VPS13C: variants seen among roughly 807,000 people sequenced by gnomAD.
VPS13C encodes vacuolar protein sorting 13 homolog C, also known as intermembrane lipid transfer protein VPS13C.
Under a neutral mutation model 456.8 loss-of-function variants are expected in VPS13C, and 358 were observed. The ratio of observed to expected loss-of-function variants is 0.78; its 90% confidence interval spans 0.72 to 0.86. The LOEUF (loss-of-function observed/expected upper bound fraction) is 0.86. VPS13C is among the 40% of genes least tolerant of loss of function. VPS13C has a pLI of 0.00. For missense variants in VPS13C, 4,818 were observed against 4,385.4 expected (o/e 1.10, Z -2.79); for synonymous variants, 1,578 against 1,486.7 (o/e 1.06, Z -1.41).
At chr15:62,000,144 C>G (rs1250582805) in intron 16 of VPS13C, among the ~76,000 whole-genome samples, 1 of 152,008 alleles carries the variant, frequency 6.6e-6, no homozygotes, top group Non-Finnish European at 1.5e-5. Context: ...AGTGGATCAC[C>G]TGAGGTCAGG....
In VPS13C at chr15:61,872,009, A is replaced by G. The variant is rs1405313695; in HGVS notation, c.10604T>C (p.Ile3535Thr). ...CATACCTTCCACAGGTTTTGTTATT[A>G]TTCCAGTCACTCCACCAACAACTCC... is the stretch of plus-strand genomic sequence containing the variant. ...LRGVVGGVTG[I>T]ITKPVEGAKK... The change falls in exon 79 of 85, where the codon ATA becomes ACA. Residue 3535 changes from isoleucine (I) to threonine (T), a missense_variant. By Grantham distance (89) the Ile-to-Thr change is moderately conservative. Around this residue, in one of 3 missense-constraint regions of VPS13C, gnomAD observed 4,552 missense variants for 4,130.6 expected, o/e 1.10. Coordinates refer to ENST00000644861, the MANE Select transcript of VPS13C (RefSeq NM_020821.3). The G allele has an allele frequency of 6.2e-7, 1 of 1,612,630 alleles. No homozygotes were observed. Among genetic ancestry groups the G allele is most frequent in the Admixed American group, 1.7e-5 (1 of 59,928 alleles).
Position 61,880,643 on chromosome 15 carries a change from C to G in VPS13C, c.9968G>C (p.Ser3323Thr), listed in dbSNP as rs1383242750. The G allele has an allele frequency of 6.3e-7, 1 of 1,593,340 alleles. No individual in the cohort carries two copies. The highest frequency in any genetic ancestry group is 8.5e-7 in the Non-Finnish European group (1 of 1,171,590). The change falls in exon 73 of 85, where the codon AGT (serine) becomes ACT (threonine). Residue 3323 changes from serine (S) to threonine (T), a missense_variant. Physicochemically the swap from Ser to Thr is moderately conservative, Grantham distance 58. Around this residue, in one of 3 missense-constraint regions of VPS13C, gnomAD observed 4,552 missense variants for 4,130.6 expected, o/e 1.10. Transcript: ENST00000644861. ...ETSMTDMSIL[S>T]FFEHFHISPV... The stretch of plus-strand genomic sequence containing the variant: ...AGAAATATGGAAATGTTCAAAGAAA[C>G]TAAGAATTGACATATCAGTCATTGA...
chr15:61,947,146 G>C, intron 43 of VPS13C, 47 bp downstream of exon 43: 1 of 1,249,636 alleles, frequency 8.0e-7, no homozygotes, highest in South Asian at 1.5e-5. Context: ...ATTTTTCCTA[G>C]TTATGTAAAG....
intron 81 of VPS13C, 38 bp from the exon 82 acceptor site, chr15:61,863,566 G>C (rs141869927): frequency 1.1e-5 from 16 of 1,435,180 alleles, no homozygotes; most frequent in Non-Finnish European, 1.6e-5. Flanking sequence ...GGGAAGTTAT[G>C]CATTTAAGTA....
intron 9 of VPS13C, among the ~76,000 whole-genome samples, chr15:62,016,650 T>C (rs963240103): frequency 4.6e-5 from 7 of 152,156 alleles, no homozygotes; most frequent in African/African-American, 1.4e-4. Flanking sequence ...ATGTGCCACA[T>C]TTTCTTAATC....
At chr15:61,902,944 C>A (rs1369841412) in intron 66 of VPS13C, among the ~76,000 whole-genome samples, 1 of 142,800 alleles carries the variant, frequency 7.0e-6, no homozygotes, top group Non-Finnish European at 1.5e-5. Context: ...TTTAGAAAAA[C>A]CTAAAGACTC....
Position 62,008,738 on chromosome 15 carries a change from C to A in VPS13C, c.1035G>T (p.Leu345Phe). ...TCCTAACCATATAATCCACTGACTC[C>A]AAAAGGTCAATCATACTTAAGTACT... ...KPQYLSMIDL[L>F]ESVDYMVRNA... The change falls in exon 14 of 85, where the codon TTG becomes TTT. Residue 345 changes from leucine to phenylalanine, a missense_variant. This residue lies in a region of VPS13C where 4,552 missense variants were observed against 4,130.6 expected (regional missense o/e 1.10). Coordinates refer to ENST00000644861, the MANE Select transcript of VPS13C (RefSeq NM_020821.3). 1 of 1,601,464 alleles carries A rather than the reference C, an allele frequency of 6.2e-7. No homozygotes were observed. Among genetic ancestry groups the A allele is most frequent in the Non-Finnish European group, 8.5e-7 (1 of 1,173,294 alleles).
rs537606231 is a variant in VPS13C, at chr15:62,034,905, A to T, written c.283+52T>A. 15 of 1,230,420 alleles carry T rather than the reference A, an allele frequency of 1.2e-5. No homozygotes were observed. In the East Asian group the frequency reaches 3.6e-4, roughly 29 times the overall value. 76.2% of individuals were successfully genotyped at this position (1,230,420 alleles called of 1,614,324 possible). On this transcript the variant is annotated intron_variant, in intron 4 of 84. Transcript: ENST00000644861. ...TATTAAAATACTTAACTCAGATAAC[A>T]ATTTAATTTCAATGTGATGTTATTG...
At chr15:61,950,306 G>C in intron 41 of VPS13C, 52 bp downstream of exon 41, 1 of 1,330,724 alleles carries the variant, frequency 7.5e-7, no homozygotes. Flanking sequence ...TGGCTATGAA[G>C]CTAGATATAA....
chr15:61,922,630 T>G lies in VPS13C; in HGVS notation c.6742A>C (p.Asn2248His). 6.2e-7 allele frequency: 1 copy of G among 1,614,140 alleles called. No individual in the cohort carries two copies. Among genetic ancestry groups the G allele is most frequent in the Non-Finnish European group, 8.5e-7 (1 of 1,179,980 alleles). ...LWGIKSINDY[N>H]TWFLGVDTAT... The stretch of plus-strand genomic sequence containing the variant: ...GTGTCAACACCAAGAAACCAAGTGT[T>G]ATAATCATTAATCGATTTGATACCC... Residue 2248 changes from asparagine to histidine, a missense_variant, in exon 54 of 85, where the codon AAC (asparagine) becomes CAC (histidine). Asn to His is a moderately conservative substitution (Grantham distance 68, BLOSUM62 1). Around this residue, in one of 3 missense-constraint regions of VPS13C, gnomAD observed 4,552 missense variants for 4,130.6 expected, o/e 1.10. Coordinates refer to ENST00000644861, the MANE Select transcript of VPS13C (RefSeq NM_020821.3).
At chr15:62,053,651 T>G (rs1269781263) in intron 1 of VPS13C, among the ~76,000 whole-genome samples, 1 of 152,200 alleles carries the variant, frequency 6.6e-6, no homozygotes, top group Non-Finnish European at 1.5e-5. Context: ...CACTTACAGA[T>G]AAGCAACCAA....
At chr15:62,037,403 TAA>T (rs1397762225) in intron 3 of VPS13C, among the ~76,000 whole-genome samples, 1 of 89,894 alleles carries the variant, frequency 1.1e-5, no homozygotes, top group Non-Finnish European at 2.3e-5. Flanking sequence ...ATATTATATA[TAA>T]ATATATATAA....
In VPS13C at chr15:61,913,419, T is replaced by C. The variant is rs755293318; in HGVS notation, c.8446-4A>G. ...TGGTTGAAATTTTTAATTGTACCTA[T>C]ACCAGAGAGCACATATCGTCATATA... On this transcript the variant is annotated splice_region_variant and splice_polypyrimidine_tract_variant and intron_variant, in intron 61 of 84. Coordinates refer to ENST00000644861, the MANE Select transcript of VPS13C (RefSeq NM_020821.3). 2 of 1,609,378 alleles carry C rather than the reference T, an allele frequency of 1.2e-6. No individual in the cohort carries two copies. Among genetic ancestry groups the C allele is most frequent in the East Asian group, 2.2e-5 (1 of 44,824 alleles).
intron 5 of VPS13C, among the ~76,000 whole-genome samples, chr15:62,031,494 T>C (rs1440539344): frequency 2.0e-5 from 3 of 151,982 alleles, no homozygotes; most frequent in Non-Finnish European, 4.4e-5. Context: ...GAGAAAAGAA[T>C]ACTGCAATAT....
rs544938476 is a variant in VPS13C, at chr15:61,889,544, C to T, written c.9341+621G>A. Among the ~76,000 whole-genome samples the T allele has an allele frequency of 6.0e-4, 91 of 152,164 alleles. 1 individual carries two copies. Among genetic ancestry groups the T allele is most frequent in the Middle Eastern group, 3.4e-3 (1 of 294 alleles). On this transcript the variant is annotated intron_variant, in intron 67 of 84. Coordinates refer to ENST00000644861, the MANE Select transcript of VPS13C (RefSeq NM_020821.3). ...CCTCTAAAAAAGAATAAGTCTTTTA[C>T]CAAATTAAGTGTGATTTTTAAAATC...
At chr15:61,866,248 A>G in intron 81 of VPS13C, 1 of 984,860 alleles carries the variant, frequency 1.0e-6, no homozygotes, top group Non-Finnish European at 1.2e-6. Flanking sequence ...TTTTTCTTCC[A>G]GTAATTATAA....
chr15:61,855,570 C>T (rs1596258054), intron 83 of VPS13C, among the ~76,000 whole-genome samples: 1 of 152,192 alleles, frequency 6.6e-6, no homozygotes, highest in East Asian at 1.9e-4. Context: ...GTACTCACAT[C>T]TATAGCTATT....
intron 1 of VPS13C, among the ~76,000 whole-genome samples, chr15:62,045,036 T>C (rs951909691): frequency 4.6e-5 from 7 of 152,180 alleles, no homozygotes; most frequent in African/African-American, 1.7e-4. Context: ...TTCCCATTAA[T>C]ATTTTTCAAT....
intron 77 of VPS13C, 44 bp from the exon 78 acceptor site, chr15:61,873,453 A>T: frequency 6.4e-7 from 1 of 1,567,874 alleles, no homozygotes; most frequent in East Asian, 2.2e-5. Flanking sequence ...ACAAGGAACT[A>T]TACAAGGAAC....
Sources: allele counts gnomAD v4.1 joint callset (sites outside exome capture counted in the v4.1 genomes callset), GRCh38; gene constraint gnomAD v4.1.1; regional missense constraint gnomAD v4.1.1; transcripts MANE v1.5; gene names NCBI Gene and HGNC (gene_info 2026-07-23, HGNC 2026-07-21).